The following MAP4K4 variants were observed in gnomAD, a reference collection of about 807,000 sequenced individuals.
The protein encoded by MAP4K4 is mitogen-activated protein kinase kinase kinase kinase 4.
Under a neutral mutation model 189.6 loss-of-function variants are expected in MAP4K4, and 38 were observed. That is an observed-to-expected ratio of 0.20 (90% confidence interval 0.15 to 0.26). MAP4K4 has a LOEUF of 0.26. Ranked by LOEUF, MAP4K4 falls within the 10% of genes least tolerant of loss-of-function variation. The pLI, the probability that MAP4K4 is intolerant of heterozygous loss-of-function variation, is 1.00. For synonymous variants in MAP4K4, 610 were observed against 624.3 expected (o/e 0.98, Z 0.34); for missense variants, 1,054 against 1,726.9 (o/e 0.61, Z 6.91).
intron 2 of MAP4K4, among the ~76,000 whole-genome samples, chr2:101,732,653 C>G (rs1286790389): frequency 6.6e-6 from 1 of 152,030 alleles, no homozygotes; most frequent in Admixed American, 6.6e-5. Context: ...GCAGTGGCAC[C>G]ATCTCGGCTC....
chr2:101,752,465 T>G (rs1229659911), intron 2 of MAP4K4, among the ~76,000 whole-genome samples: 3 of 152,190 alleles, frequency 2.0e-5, no homozygotes, highest in Non-Finnish European at 4.4e-5. Context: ...CTTATATCCA[T>G]CTGCATTTTC....
At chr2:101,720,034 G>C (rs991960954) in intron 2 of MAP4K4, among the ~76,000 whole-genome samples, 1 of 151,944 alleles carries the variant, frequency 6.6e-6, no homozygotes, top group Non-Finnish European at 1.5e-5. Flanking sequence ...AAAAAGGGGA[G>C]AACAGTGGAT....
chr2:101,706,317 C>T (rs562497836), intron 2 of MAP4K4, among the ~76,000 whole-genome samples: 1 of 152,276 alleles, frequency 6.6e-6, no homozygotes, highest in South Asian at 2.1e-4. Flanking sequence ...TATTTAACTC[C>T]TATACTTGCT....
At chr2:101,708,326 A>G (rs2043499392) in intron 2 of MAP4K4, among the ~76,000 whole-genome samples, 1 of 152,238 alleles carries the variant, frequency 6.6e-6, no homozygotes, top group Non-Finnish European at 1.5e-5. Context: ...AACAATACCA[A>G]CAGAACAATA....
intron 2 of MAP4K4, among the ~76,000 whole-genome samples, chr2:101,768,947 A>G (rs1575211871): frequency 6.6e-6 from 1 of 152,290 alleles, no homozygotes; most frequent in South Asian, 2.1e-4. Context: ...AGAGTCTTCT[A>G]ATTTGAAACT....
chr2:101,764,018 C>A (rs2077529539), intron 2 of MAP4K4, among the ~76,000 whole-genome samples: 1 of 151,892 alleles, frequency 6.6e-6, no homozygotes, highest in South Asian at 2.1e-4. Flanking sequence ...CACATTTTTT[C>A]ATCTTTGTCA....
At chr2:101,740,406 G>A (rs965023494) in intron 2 of MAP4K4, among the ~76,000 whole-genome samples, 1 of 102,390 alleles carries the variant, frequency 9.8e-6, no homozygotes, top group Admixed American at 8.8e-5. Context: ...CGCCCGCCTC[G>A]GCCTCCCAAA....
intron 2 of MAP4K4, among the ~76,000 whole-genome samples, chr2:101,702,293 C>T (rs1019228082): frequency 1.3e-5 from 2 of 152,068 alleles, no homozygotes; most frequent in Non-Finnish European, 2.9e-5. Flanking sequence ...CAACCGGACG[C>T]GGTGGCTTAC....
At position 101,759,085 on chromosome 2, in the gene MAP4K4, A is replaced by G. The variant is rs549575386; in HGVS notation, c.124-31635A>G. 2.0e-5 allele frequency among the ~76,000 whole-genome samples: 3 copies of G among 151,486 alleles called. No homozygotes were observed. In the East Asian group the frequency reaches 5.9e-4, roughly 30 times the overall value. On this transcript the variant is annotated intron_variant, in intron 2 of 32. Transcript: ENST00000324219. ...GAGGCGGAGCTTGCAGTGAGCCGAG[A>G]TCGCGTCACTGCACTCCAGCCTGGG...
chr2:101,763,641 G>T (rs2150217010), intron 2 of MAP4K4, among the ~76,000 whole-genome samples: 1 of 152,194 alleles, frequency 6.6e-6, no homozygotes, highest in East Asian at 1.9e-4. Context: ...TTTTAAATAT[G>T]CCAGGAGTGC....
intron 2 of MAP4K4, among the ~76,000 whole-genome samples, chr2:101,774,754 A>G (rs1227755147): frequency 6.6e-6 from 1 of 152,202 alleles, no homozygotes; most frequent in Non-Finnish European, 1.5e-5. Flanking sequence ...TGTAACCACA[A>G]TCAGAATGCA....
chr2:101,788,695 G>A lies in MAP4K4; in HGVS notation c.124-2025G>A, dbSNP rs187753538. 5.9e-5 allele frequency among the ~76,000 whole-genome samples: 9 copies of A among 152,146 alleles called. No homozygotes were observed. The East Asian group carries it at 1.7e-3, about 29-fold the overall frequency. On this transcript the variant is annotated intron_variant, in intron 2 of 32. Coordinates refer to ENST00000324219, the Ensembl canonical transcript of MAP4K4. ...CCTTATACTCTGTTCCCTTAGTAAGGGAAACTCATGTTTTTTATAAAGCAG... is the reference window on the plus strand; with the variant it reads ...CCTTATACTCTGTTCCCTTAGTAAGAGAAACTCATGTTTTTTATAAAGCAG...
intron 11 of MAP4K4, 71 bp downstream of exon 11, chr2:101,842,752 A>G (rs2096958617): frequency 1.6e-5 from 18 of 1,147,260 alleles, no homozygotes; most frequent in Non-Finnish European, 2.2e-5. Flanking sequence ...CCAGGACTGC[A>G]GAAGACTCCT....
rs766934612 is a variant in MAP4K4 at position 101,698,529 on chromosome 2, A to G, written c.114A>G (p.Gln38=). ...TGGTTGGAAATGGCACCTATGGACA[A>G]GTCTATAAGGTCGGTGTGGGCGCCT... Residue 38 remains glutamine (Q), a synonymous_variant, in exon 2 of 33, where the codon CAA becomes CAG. Transcript: ENST00000324219. 1.9e-6 allele frequency: 3 copies of G among 1,613,658 alleles called. No individual in the cohort carries two copies. In the African/African-American group the frequency reaches 4.0e-5, roughly 22 times the overall value.
chr2:101,842,581 C>T, intron 10 of MAP4K4, 28 bp from the exon 11 acceptor site: 1 of 1,534,676 alleles, frequency 6.5e-7, no homozygotes, highest in Non-Finnish European at 8.9e-7. Context: ...TGTGAACTGT[C>T]CCATTTATCT....
At chr2:101,882,011 C>A (rs1052892724) in intron 27 of MAP4K4, among the ~76,000 whole-genome samples, 1 of 152,132 alleles carries the variant, frequency 6.6e-6, no homozygotes, top group African/African-American at 2.4e-5. Context: ...CATACATATA[C>A]ATTTATATTA....
intron 2 of MAP4K4, among the ~76,000 whole-genome samples, chr2:101,770,093 T>C (rs1314969396): frequency 6.6e-6 from 1 of 152,224 alleles, no homozygotes; most frequent in Admixed American, 6.5e-5. Flanking sequence ...ATCTCTTCAG[T>C]TACTCTGAGT....
exon 17 of MAP4K4, chr2:101,863,878 C>T: frequency 2.2e-6 from 3 of 1,367,706 alleles, no homozygotes; most frequent in Non-Finnish European, 2.9e-6. Context: ...CTCGCGATCC[C>T]ATTCCTTCAG....
chr2:101,797,109 A>T (rs2093779734), intron 3 of MAP4K4: 1 of 708,054 alleles, frequency 1.4e-6, no homozygotes, highest in Admixed American at 3.5e-5. Context: ...TATAACACTG[A>T]ACAATTTTAC....
Sources: allele counts gnomAD v4.1 joint callset (sites outside exome capture counted in the v4.1 genomes callset), GRCh38; gene constraint gnomAD v4.1.1; transcripts MANE v1.5; gene names NCBI Gene and HGNC (gene_info 2026-07-23, HGNC 2026-07-21).